Variants in CABIN1 observed in about 807,000 individuals in gnomAD.
CABIN1 encodes the protein calcineurin-binding protein cabin-1.
In CABIN1, 133 loss-of-function variants were observed where a neutral mutation model predicts 227.7. The ratio of observed to expected loss-of-function variants is 0.58; its 90% confidence interval spans 0.51 to 0.67. The LOEUF is 0.67. Among genes scored for constraint, CABIN1 ranks in the 30% least tolerant of loss-of-function variants. CABIN1 has a pLI of 0.00. For synonymous variants in CABIN1, 1,086 were observed against 1,155.1 expected (o/e 0.94, Z 1.21); for missense variants, 2,408 against 2,852.5 (o/e 0.84, Z 3.55).
At chr22:24,165,880 C>T (rs1458521699) in intron 31 of CABIN1, among the ~76,000 whole-genome samples, 2 of 152,238 alleles carry the variant, frequency 1.3e-5, no homozygotes, top group Non-Finnish European at 2.9e-5. Flanking sequence ...TGAAACTGAG[C>T]TCCCCAAGGG....
At chr22:24,132,062 CAAAA>C (rs34365542) in intron 28 of CABIN1, among the ~76,000 whole-genome samples, 4 of 114,774 alleles carry the variant, frequency 3.5e-5, no homozygotes, top group African/African-American at 3.3e-5. Flanking sequence ...ACTCTGTCTC[CAAAA>C]AAAAAAAAAA....
intron 14 of CABIN1, among the ~76,000 whole-genome samples, chr22:24,063,539 T>A (rs977285211): frequency 6.6e-5 from 10 of 152,054 alleles, no homozygotes; most frequent in Non-Finnish European, 1.2e-4. Flanking sequence ...ATTCACCTGT[T>A]TTATGAGAGT....
At chr22:24,124,259 C>A (rs183404132) in intron 28 of CABIN1, among the ~76,000 whole-genome samples, 4 of 152,348 alleles carry the variant, frequency 2.6e-5, no homozygotes, top group African/African-American at 7.2e-5. Context: ...ACATACCCTG[C>A]ACTGCCCTCA....
chr22:24,030,984 A>C (rs1237982749), intron 1 of CABIN1, among the ~76,000 whole-genome samples: 2 of 152,180 alleles, frequency 1.3e-5, no homozygotes, highest in Non-Finnish European at 2.9e-5. Context: ...TTCCTTTGAG[A>C]CATTACTTAG....
chr22:24,091,613 A>G lies in CABIN1; in HGVS notation c.3556A>G (p.Thr1186Ala). ...MEGRRDSMLE[T>A]AKHCFTSAAR... The stretch of plus-strand genomic sequence containing the variant: ...GGGCCGGCGCGACAGCATGCTAGAG[A>G]CAGCCAAGCACTGTTTCACATCAGC... The change falls in exon 24 of 37, where the codon ACA (threonine) becomes GCA (alanine). Residue 1186 changes from threonine (T) to alanine (A), a missense_variant. By Grantham distance (58) the Thr-to-Ala change is moderately conservative (BLOSUM62 0). Coordinates refer to ENST00000263119, the MANE Select transcript of CABIN1 (RefSeq NM_012295.4). The G allele has an allele frequency of 6.2e-7, 1 of 1,614,196 alleles. No individual in the cohort carries two copies. The highest frequency in any genetic ancestry group is 8.5e-7 in the Non-Finnish European group (1 of 1,180,030).
rs1466848911 is a variant in CABIN1 at position 24,059,235 on chromosome 22, A to G, written c.1271A>G (p.Lys424Arg). 1.9e-6 allele frequency: 3 copies of G among 1,614,252 alleles called. No homozygotes were observed. The highest frequency in any genetic ancestry group is 2.5e-6 in the Non-Finnish European group (3 of 1,180,048). The change falls in exon 11 of 37, where the codon AAG becomes AGG. Residue 424 changes from lysine (K) to arginine (R), a missense_variant. Lys to Arg is a conservative substitution (Grantham distance 26, BLOSUM62 2). Transcript: ENST00000263119. The stretch of plus-strand genomic sequence containing the variant: ...TGGCATGTTACATGCAGGTTAAGAA[A>G]GCTGGACCCTGAGGAGGAAGATGAT... ...LMKFLPSRLR[K>R]LDPEEEDDSF...
chr22:24,065,148 A>AC (rs1236946322), intron 15 of CABIN1, among the ~76,000 whole-genome samples: 4 of 126,022 alleles, frequency 3.2e-5, no homozygotes, highest in African/African-American at 9.4e-5. Context: ...GCGGGGGCTG[A>AC]CCCCCCACCT....
intron 19 of CABIN1, among the ~76,000 whole-genome samples, chr22:24,080,851 G>C (rs1465903085): frequency 6.6e-6 from 1 of 152,078 alleles, no homozygotes. Context: ...AATTTTCTAT[G>C]TAGACAGTCA....
chr22:24,045,072 A>G (rs1297078370), intron 6 of CABIN1, among the ~76,000 whole-genome samples: 1 of 151,798 alleles, frequency 6.6e-6, no homozygotes, highest in Non-Finnish European at 1.5e-5. Flanking sequence ...GGCACCCACC[A>G]CCAAGCCCGG....
At chr22:24,035,353 C>T (rs1455482175) in intron 1 of CABIN1, 91 bp from the exon 2 acceptor site, 1 of 850,742 alleles carries the variant, frequency 1.2e-6, no homozygotes, top group East Asian at 2.5e-5. Context: ...GCATAGAGCT[C>T]AGGGAAGGAC....
At chr22:24,031,203 T>C (rs1399374137) in intron 1 of CABIN1, among the ~76,000 whole-genome samples, 2 of 152,160 alleles carry the variant, frequency 1.3e-5, no homozygotes, top group Non-Finnish European at 2.9e-5. Flanking sequence ...GCACGTGTCC[T>C]GCAGAAAGTG....
chr22:24,162,149 C>G (rs563446439), intron 29 of CABIN1: 2 of 152,410 alleles, frequency 1.3e-5, no homozygotes, highest in South Asian at 4.1e-4. Context: ...GGTGGCTTCA[C>G]TCTTCAGACC....
In CABIN1 at chr22:24,176,205, CCCGGCAGAGCCACACTGCTGG is replaced by C. The variant is rs1185791525; in HGVS notation, c.6145_6165del (p.Pro2049_Glu2055del). 1.9e-6 allele frequency: 3 copies of C among 1,610,704 alleles called. No individual in the cohort carries two copies. Among genetic ancestry groups the C allele is most frequent in the Non-Finnish European group, 2.5e-6 (3 of 1,179,166 alleles). On this transcript the variant is annotated inframe_deletion, in exon 35 of 37. Transcript: ENST00000263119. ...AGGTGAAGATGGCCCCCACAAGTTC[CCCGGCAGAGCCACACTGCTGG>C]CCGGCAGAGGCTGCCCTGGGCACAG...
At chr22:24,092,554 G>A (rs1051535660) in intron 24 of CABIN1, among the ~76,000 whole-genome samples, 5 of 152,244 alleles carry the variant, frequency 3.3e-5, no homozygotes, top group South Asian at 4.1e-4. Flanking sequence ...CCCTGTGCAC[G>A]TTGGCTTTGC....
rs1418916099 is a variant in CABIN1 at position 24,166,803 on chromosome 22, A to C, written c.5172A>C (p.Lys1724Asn). 1.9e-6 allele frequency: 3 copies of C among 1,613,028 alleles called. No individual in the cohort carries two copies. Among genetic ancestry groups the C allele is most frequent in the Non-Finnish European group, 2.5e-6 (3 of 1,179,994 alleles). The part of the protein sequence containing the change: ...GSGPGPEPGG[K>N]VGLLNHRPVA... ...GGCCAGGGCCCGAGCCAGGAGGCAA[A>C]GTGGGCCTCCTCAACCACCGGCCTG... The change falls in exon 32 of 37, where the codon AAA becomes AAC. Residue 1724 changes from lysine to asparagine, a missense_variant. Coordinates refer to ENST00000263119, the MANE Select transcript of CABIN1 (RefSeq NM_012295.4).
At chr22:24,053,673 C>T (rs563511002) in intron 8 of CABIN1, among the ~76,000 whole-genome samples, 1 of 152,232 alleles carries the variant, frequency 6.6e-6, no homozygotes, top group South Asian at 2.1e-4. Context: ...GTCACCGTGC[C>T]CAGCCTGAAG....
chr22:24,056,675 G>C, intron 10 of CABIN1: 2 of 365,926 alleles, frequency 5.5e-6, no homozygotes, highest in Middle Eastern at 8.3e-4. Context: ...GGGGTGCTGT[G>C]CCTTGGGTGC....
intron 29 of CABIN1, among the ~76,000 whole-genome samples, chr22:24,144,223 C>T (rs2044965653): frequency 6.6e-6 from 1 of 152,226 alleles, no homozygotes; most frequent in Admixed American, 6.5e-5. Flanking sequence ...GAGGTCACAT[C>T]TAAGCTCTCT....
At chr22:24,065,768 G>A (rs966248811) in intron 15 of CABIN1, among the ~76,000 whole-genome samples, 4 of 152,396 alleles carry the variant, frequency 2.6e-5, no homozygotes, top group South Asian at 2.1e-4. Flanking sequence ...TCGGGAGGCC[G>A]AGGCTGGCGG....
Sources: gnomAD v4.1 joint callset for allele counts (sites outside exome capture counted in the v4.1 genomes callset) on GRCh38, gnomAD v4.1.1 for gene constraint, MANE v1.5 for transcripts, NCBI Gene and HGNC (gene_info 2026-07-23, HGNC 2026-07-21) for gene names.